Variants in MEGF11 observed in about 807,000 individuals in gnomAD.
The protein encoded by MEGF11 is multiple epidermal growth factor-like domains protein 11.
In MEGF11, 126 loss-of-function variants were observed where a neutral mutation model predicts 146.6. That is an observed-to-expected ratio of 0.86 (90% confidence interval 0.74 to 1.00). The LOEUF is 1.00. Ranked by LOEUF, MEGF11 falls within the 50% of genes least tolerant of loss-of-function variation. The probability of loss-of-function intolerance (pLI) is 0.00; values close to 1 mark genes in which losing one functional copy is unlikely to be tolerated. For missense variants in MEGF11, 1,509 were observed against 1,521.2 expected (o/e 0.99, Z 0.13); for synonymous variants, 532 against 583.4 (o/e 0.91, Z 1.27).
chr15:66,203,554 A>C (rs993316122), intron 1 of MEGF11, among the ~76,000 whole-genome samples: 26 of 152,162 alleles, frequency 1.7e-4, no homozygotes, highest in African/African-American at 6.3e-4. Context: ...TGCTTACAAG[A>C]AAGACAGGAT....
At chr15:66,033,680 C>T (rs1359572616) in intron 5 of MEGF11, among the ~76,000 whole-genome samples, 2 of 152,204 alleles carry the variant, frequency 1.3e-5, no homozygotes, top group South Asian at 2.1e-4. Flanking sequence ...GGGGCCCAAC[C>T]CCCACACCAG....
rs1334094374 is a variant in MEGF11 at position 66,004,818 on chromosome 15, G to GT, written c.395-22331dup. 2.0e-5 allele frequency among the ~76,000 whole-genome samples: 3 copies of GT among 152,224 alleles called. No homozygotes were observed. In the East Asian group the frequency reaches 5.8e-4, roughly 29 times the overall value. On this transcript the variant is annotated intron_variant, in intron 5 of 25. Coordinates refer to ENST00000395614, the MANE Select transcript of MEGF11 (RefSeq NM_001385028.1). ...AAGCCTCACAACACCCAGGGCTAGC[G>GT]TATTTCTGCAGGCAATGGGACCCGG...
Position 65,990,196 on chromosome 15 carries a change from ACT to A in MEGF11, c.395-7710_395-7709del, listed in dbSNP as rs200499868. On this transcript the variant is annotated intron_variant, in intron 5 of 25. Coordinates refer to ENST00000395614, the MANE Select transcript of MEGF11 (RefSeq NM_001385028.1). ...ACTGCTCTCCAGCTGTGCAACAGAG[ACT>A]CTGTCTCTAAAAATAAGATAAATAA... Among the ~76,000 whole-genome samples, 763 of 152,096 alleles carry A rather than the reference ACT, an allele frequency of 5.0e-3. 10 individuals are homozygous for A. The highest frequency in any genetic ancestry group is 0.018 in the African/African-American group (741 of 41,468).
chr15:65,911,543 C>T (rs751551679), intron 21 of MEGF11, among the ~76,000 whole-genome samples: 2 of 152,228 alleles, frequency 1.3e-5, no homozygotes, highest in Admixed American at 1.3e-4. Context: ...TCGCAAGTAG[C>T]TGGGACTACA....
intron 10 of MEGF11, among the ~76,000 whole-genome samples, chr15:65,942,627 T>C (rs2080037353): frequency 1.3e-5 from 2 of 152,208 alleles, no homozygotes; most frequent in South Asian, 2.1e-4. Context: ...TCTCTGCCCT[T>C]ATTTAGAAGG....
chr15:65,923,941 A>T (rs1306361637), intron 13 of MEGF11, among the ~76,000 whole-genome samples: 1 of 152,216 alleles, frequency 6.6e-6, no homozygotes, highest in Non-Finnish European at 1.5e-5. Flanking sequence ...GAAATGGAAC[A>T]TGTGAGCCCA....
At chr15:66,153,520 C>A (rs2089643900) in intron 1 of MEGF11, among the ~76,000 whole-genome samples, 1 of 152,028 alleles carries the variant, frequency 6.6e-6, no homozygotes, top group Non-Finnish European at 1.5e-5. Flanking sequence ...TTGCAGTGAG[C>A]CGAGATCATG....
chr15:66,220,385 G>C (rs2091703144), intron 1 of MEGF11, among the ~76,000 whole-genome samples: 1 of 152,046 alleles, frequency 6.6e-6, no homozygotes, highest in Admixed American at 6.5e-5. Context: ...AGCCAGTCTC[G>C]AGAGATTACT....
At chr15:65,961,488 A>G (rs1342248595) in intron 9 of MEGF11, among the ~76,000 whole-genome samples, 6 of 152,232 alleles carry the variant, frequency 3.9e-5, no homozygotes, top group African/African-American at 1.2e-4. Flanking sequence ...GAATTAGTCT[A>G]TGACAACCCA....
At chr15:66,191,178 T>G (rs1467000895) in intron 1 of MEGF11, among the ~76,000 whole-genome samples, 1 of 152,080 alleles carries the variant, frequency 6.6e-6, no homozygotes, top group South Asian at 2.1e-4. Flanking sequence ...CCAAAAGAAA[T>G]AAACAGCAAA....
intron 10 of MEGF11, among the ~76,000 whole-genome samples, chr15:65,938,775 C>T (rs939173513): frequency 6.6e-6 from 1 of 152,232 alleles, no homozygotes; most frequent in Non-Finnish European, 1.5e-5. Flanking sequence ...AGATGCAAAT[C>T]GCTCCTCTAC....
chr15:65,916,474 G>T, intron 17 of MEGF11, 198 bp from the exon 18 acceptor site: 1 of 741,628 alleles, frequency 1.3e-6, no homozygotes, highest in South Asian at 1.9e-5. Flanking sequence ...GCCTTTCCAA[G>T]ACAGAGGGGC....
chr15:65,982,784 C>A lies in MEGF11; in HGVS notation c.395-296G>T, dbSNP rs2081703642. Among the ~76,000 whole-genome samples the A allele has an allele frequency of 6.6e-6, 1 of 152,186 alleles. No homozygotes were observed. The highest frequency in any genetic ancestry group is 1.5e-5 in the Non-Finnish European group (1 of 68,028). On this transcript the variant is annotated intron_variant, in intron 5 of 25. Transcript: ENST00000395614. The surrounding 1 kb of genome is among the most constrained non-coding windows in gnomAD (Gnocchi z 5.6). ...CAACCAAATGGCTGCCCTAAGCCCC[C>A]CTCTCCTGTATTGAAATTCCGGAGC...
chr15:65,895,803 C>G lies in MEGF11; in HGVS notation c.*2131G>C, dbSNP rs563357975. 2 of 152,428 alleles carry G rather than the reference C, an allele frequency of 1.3e-5. No individual in the cohort carries two copies. Among genetic ancestry groups the G allele is most frequent in the African/African-American group, 4.8e-5 (2 of 41,512 alleles). 9.4% of individuals were successfully genotyped at this position (152,428 alleles called of 1,614,324 possible). A position where few individuals can be genotyped will look rare whatever the true frequency, so the allele number is the denominator to read the frequency against. On this transcript the variant is annotated 3_prime_UTR_variant, in exon 26 of 26. Coordinates refer to ENST00000395614, the MANE Select transcript of MEGF11 (RefSeq NM_001385028.1). The stretch of plus-strand genomic sequence containing the variant: ...ACTCTCTGCTTCTCCCCTTTTTATG[C>G]ATAGGAAAAAAGGGAGCCCAGAGAG...
chr15:65,976,717 T>C (rs2141651355), intron 7 of MEGF11, among the ~76,000 whole-genome samples: 1 of 152,304 alleles, frequency 6.6e-6, no homozygotes, highest in South Asian at 2.1e-4. Flanking sequence ...GTCAGTTAAG[T>C]GTGTATCTCC....
intron 1 of MEGF11, among the ~76,000 whole-genome samples, chr15:66,243,573 G>T (rs1239378072): frequency 6.6e-6 from 1 of 152,200 alleles, no homozygotes; most frequent in Non-Finnish European, 1.5e-5. Context: ...ATGCCAAATT[G>T]TTGGTTTTGA....
At chr15:66,106,338 TACATGCAGA>T (rs1254945788) in intron 4 of MEGF11, among the ~76,000 whole-genome samples, 1 of 152,120 alleles carries the variant, frequency 6.6e-6, no homozygotes, top group Admixed American at 6.5e-5. Flanking sequence ...CAGCAAGTAA[TACATGCAGA>T]ACATACGGGT....
At chr15:66,051,804 C>T (rs890927792) in intron 5 of MEGF11, among the ~76,000 whole-genome samples, 23 of 152,322 alleles carry the variant, frequency 1.5e-4, no homozygotes, top group African/African-American at 5.1e-4. Flanking sequence ...GCATCTCTGG[C>T]ACCTGTTCGT....
chr15:66,036,602 C>T (rs1047785056), intron 5 of MEGF11, among the ~76,000 whole-genome samples: 5 of 152,066 alleles, frequency 3.3e-5, no homozygotes, highest in Admixed American at 6.5e-5. Context: ...TTTTTGACAC[C>T]GAGTCACACC....
Sources: allele counts gnomAD v4.1 joint callset (sites outside exome capture counted in the v4.1 genomes callset), GRCh38; gene constraint gnomAD v4.1.1; non-coding constraint Gnocchi (gnomAD v3.1); transcripts MANE v1.5; gene names NCBI Gene and HGNC (gene_info 2026-07-23, HGNC 2026-07-21).